TRPV3: variants seen among roughly 807,000 people sequenced by gnomAD.
TRPV3 encodes the protein transient receptor potential cation channel subfamily V member 3.
In TRPV3, 88 loss-of-function variants were observed where a neutral mutation model predicts 87.1. The ratio of observed to expected loss-of-function variants is 1.01; its 90% CI spans 0.85 to 1.21. The LOEUF is 1.21. Ranked by LOEUF, TRPV3 falls within the 50% of genes most tolerant of loss-of-function variation. The pLI is 0.00. For synonymous variants in TRPV3, 438 were observed against 423.3 expected (o/e 1.03, Z -0.43); for missense variants, 1,054 against 1,030.1 (o/e 1.02, Z -0.32).
At chr17:3,521,909 C>G (rs1465711048) in intron 13 of TRPV3, among the ~76,000 whole-genome samples, 2 of 151,998 alleles carry the variant, frequency 1.3e-5, no homozygotes, top group Non-Finnish European at 2.9e-5. Flanking sequence ...AACCCCGTCT[C>G]TACTAAAAAT....
intron 7 of TRPV3, 124 bp downstream of exon 7, chr17:3,535,424 CCCTTCCTCCCTCTCCCTCCTCACTT>C: frequency 1.5e-6 from 1 of 664,878 alleles, no homozygotes; most frequent in Non-Finnish European, 2.2e-6. Flanking sequence ...GTTTCCCCCT[CCCTTCCTCCCTCTCCCTCCTCACTT>C]CCTTCCTCCT....
chr17:3,546,694 T>G (rs1427418047), intron 2 of TRPV3: 1 of 455,454 alleles, frequency 2.2e-6, no homozygotes, highest in Admixed American at 2.3e-5. Flanking sequence ...AAAGCTGGGC[T>G]AGGCCAGGTG....
intron 2 of TRPV3, among the ~76,000 whole-genome samples, chr17:3,545,800 G>A (rs1450535812): frequency 2.8e-5 from 4 of 143,080 alleles, no homozygotes; most frequent in South Asian, 2.2e-4. Context: ...CCAACATGGC[G>A]AAACTCTGTT....
chr17:3,530,280 G>A lies in TRPV3; in HGVS notation c.1066-77C>T, dbSNP rs960186666. 1.4e-6 allele frequency: 2 copies of A among 1,476,448 alleles called. No individual in the cohort carries two copies. Among genetic ancestry groups the A allele is most frequent in the African/African-American group, 2.8e-5 (2 of 71,452 alleles). 91.5% of individuals were successfully genotyped at this position (1,476,448 alleles called of 1,614,324 possible). ...AACAGGGCTGGACCAGCCAGAGGCT[G>A]GCTGGGCCCAGGGGATACACCCGCC... On this transcript the variant is annotated intron_variant, in intron 8 of 17. Coordinates refer to ENST00000576742, the MANE Select transcript of TRPV3 (RefSeq NM_145068.4). The surrounding 1 kb of genome is among the most constrained non-coding windows in gnomAD (Gnocchi z 4.0).
intron 7 of TRPV3, among the ~76,000 whole-genome samples, chr17:3,534,518 G>T (rs4790146): frequency 6.6e-6 from 1 of 152,146 alleles, no homozygotes; most frequent in African/African-American, 2.4e-5. Flanking sequence ...ATTTTTGTGT[G>T]TGACGGAGCC....
chr17:3,533,733 G>A (rs555294321), intron 7 of TRPV3, among the ~76,000 whole-genome samples: 4 of 152,204 alleles, frequency 2.6e-5, no homozygotes, highest in East Asian at 3.9e-4. Context: ...TCCTGACCTC[G>A]TGATCCACCT....
In TRPV3 at chr17:3,528,180, G is replaced by T; in HGVS notation, c.1402-54C>A. ...ATAGGAAGCAAGGAGGACAGGGCTGGCACCAACTCTAGAGGGACCAAAACC... is the reference window on the plus strand; with the variant it reads ...ATAGGAAGCAAGGAGGACAGGGCTGTCACCAACTCTAGAGGGACCAAAACC... On this transcript the variant is annotated intron_variant, in intron 10 of 17. Coordinates refer to ENST00000576742, the MANE Select transcript of TRPV3 (RefSeq NM_145068.4). The surrounding 1 kb of genome is among the most constrained non-coding windows in gnomAD (Gnocchi z 4.2). 7.0e-7 allele frequency: 1 copy of T among 1,438,018 alleles called. No homozygotes were observed. Among genetic ancestry groups the T allele is most frequent in the Non-Finnish European group, 9.6e-7 (1 of 1,046,112 alleles). The allele number at this position is 1,438,018 out of a possible 1,614,324, so 89.1% of individuals were successfully genotyped here.
At chr17:3,548,971 G>T (rs1442514179) in intron 2 of TRPV3, among the ~76,000 whole-genome samples, 1 of 152,154 alleles carries the variant, frequency 6.6e-6, no homozygotes, top group African/African-American at 2.4e-5. Context: ...GGCATCGGAG[G>T]TCAACCAGTC....
chr17:3,553,005 C>A (rs763476436), intron 2 of TRPV3: 2 of 152,390 alleles, frequency 1.3e-5, no homozygotes, highest in Non-Finnish European at 2.9e-5. Context: ...ACCTGGGTGT[C>A]TCTCAGGCAC....
At position 3,543,474 on chromosome 17, in the gene TRPV3, C is replaced by G. The variant is rs1435328594; in HGVS notation, c.466G>C (p.Asp156His). 1 of 1,612,774 alleles carries G rather than the reference C, an allele frequency of 6.2e-7. No homozygotes were observed. The highest frequency in any genetic ancestry group is 2.2e-5 in the East Asian group (1 of 44,902). ...CCCTCTGCCAGGCTCAGACACTCAC[C>G]AGGCACATCCTCATCATGGCGCCGC... is the stretch of plus-strand genomic sequence containing the variant. ...CRRRHDEDVP[D>H]FLMHKLTASD... Residue 156 changes from aspartate (D) to histidine (H), a missense_variant and splice_region_variant, in exon 5 of 18, where the codon GAC (aspartate) becomes CAC (histidine). Asp to His is a moderately conservative substitution (Grantham distance 81, BLOSUM62 -1). Coordinates refer to ENST00000576742, the MANE Select transcript of TRPV3 (RefSeq NM_145068.4).
intron 12 of TRPV3, among the ~76,000 whole-genome samples, chr17:3,525,085 A>C (rs764864457): frequency 6.6e-6 from 1 of 151,872 alleles, no homozygotes; most frequent in Non-Finnish European, 1.5e-5. Flanking sequence ...AGTGGCATGA[A>C]CTCTGCTCAC....
intron 8 of TRPV3, among the ~76,000 whole-genome samples, chr17:3,531,012 C>T (rs1274934794): frequency 2.6e-5 from 4 of 151,676 alleles, no homozygotes; most frequent in African/African-American, 7.3e-5. Flanking sequence ...GCCATGATTG[C>T]GCCACTGCAC....
chr17:3,517,380 G>A (rs919370279), intron 15 of TRPV3, among the ~76,000 whole-genome samples: 7 of 152,138 alleles, frequency 4.6e-5, no homozygotes, highest in Non-Finnish European at 1.0e-4. Flanking sequence ...CACTTTGGGA[G>A]GCTGAGGCGG....
chr17:3,551,633 G>A (rs1445400491), intron 2 of TRPV3, among the ~76,000 whole-genome samples: 1 of 152,028 alleles, frequency 6.6e-6, no homozygotes, highest in African/African-American at 2.4e-5. Context: ...GCTCTGCAAG[G>A]CCAGTGTCTC....
chr17:3,527,524 C>T (rs949523258), intron 11 of TRPV3, among the ~76,000 whole-genome samples: 1 of 152,196 alleles, frequency 6.6e-6, no homozygotes, highest in African/African-American at 2.4e-5. Flanking sequence ...AACCCTGTCA[C>T]CTCCTCCAGG....
intron 16 of TRPV3, among the ~76,000 whole-genome samples, chr17:3,515,489 C>T (rs1372488135): frequency 1.3e-5 from 2 of 151,784 alleles, no homozygotes; most frequent in Admixed American, 6.6e-5. Flanking sequence ...GATGAAACCT[C>T]GTCTCTAATA....
chr17:3,514,045 T>C (rs760786809), intron 17 of TRPV3, 34 bp from the exon 18 acceptor site: 2 of 1,519,460 alleles, frequency 1.3e-6, no homozygotes, highest in South Asian at 2.3e-5. Context: ...TTTAGAAATA[T>C]ATCACTCTGC....
Position 3,518,811 on chromosome 17 carries a change from T to C in TRPV3, c.1850A>G (p.Lys617Arg). 1 of 1,614,152 alleles carries C rather than the reference T, an allele frequency of 6.2e-7. No individual in the cohort carries two copies. Among genetic ancestry groups the C allele is most frequent in the Non-Finnish European group, 8.5e-7 (1 of 1,180,004 alleles). The change falls in exon 15 of 18, where the codon AAG becomes AGG. Residue 617 changes from lysine to arginine, a missense_variant. Coordinates refer to ENST00000576742, the MANE Select transcript of TRPV3 (RefSeq NM_145068.4). This position sits in a 1 kb window ranked among gnomAD's most constrained non-coding sequence, Gnocchi z 4.3. ...SLIEKCPKDN[K>R]DCSSYGSFSD... is the part of the protein sequence containing the mutation. ...GAAGCTGCCGTAGGAGCTGCAGTCC[T>C]TGTTGTCTTTGGGACACTTCTCGAT...
rs1189080659 is a variant in TRPV3 at position 3,516,459 on chromosome 17, C to A, written c.2196G>T (p.Leu732Phe). ...KVAEDDFRLC[L>F]RINEVKWTEW... ...CAGGGCCCTTCTCCCTTTGTTACCG[C>A]AAACACAGTCGGAAATCATCCTCGG... Residue 732 changes from leucine to phenylalanine, a missense_variant and splice_region_variant, in exon 16 of 18, where the codon TTG becomes TTT. Physicochemically the swap from Leu to Phe is conservative, Grantham distance 22. Transcript: ENST00000576742. The A allele has an allele frequency of 6.2e-7, 1 of 1,613,962 alleles. No homozygotes were observed. The highest frequency in any genetic ancestry group is 8.5e-7 in the Non-Finnish European group (1 of 1,179,856).
Sources: allele counts gnomAD v4.1 joint callset (sites outside exome capture counted in the v4.1 genomes callset), GRCh38; gene constraint gnomAD v4.1.1; non-coding constraint Gnocchi (gnomAD v3.1); transcripts MANE v1.5; gene names NCBI Gene and HGNC (gene_info 2026-07-23, HGNC 2026-07-21).